Variants in WWOX observed in about 807,000 individuals in gnomAD.
WWOX encodes WW domain-containing oxidoreductase.
In WWOX, 69 loss-of-function variants were observed where a neutral mutation model predicts 46.2. That is an observed-to-expected ratio of 1.49 (90% CI 1.23 to 1.82). The LOEUF (loss-of-function observed/expected upper bound fraction) is 1.82, where lower values mean the gene tolerates loss of function less well. Among genes scored for constraint, WWOX ranks in the 40% most tolerant of loss-of-function variants. WWOX has a pLI of 0.00. For missense variants in WWOX, 919 were observed against 542.6 expected (o/e 1.69, Z -6.89); for synonymous variants, 359 against 202.6 (o/e 1.77, Z -6.56).
intron 5 of WWOX, among the ~76,000 whole-genome samples, chr16:78,366,459 T>G (rs1343025555): frequency 1.3e-5 from 2 of 152,190 alleles, no homozygotes; most frequent in African/African-American, 4.8e-5. Flanking sequence ...CATTCTCCTT[T>G]CTTCTCCTGC....
intron 8 of WWOX, among the ~76,000 whole-genome samples, chr16:79,059,969 G>A (rs2048330069): frequency 6.6e-6 from 1 of 152,204 alleles, no homozygotes; most frequent in African/African-American, 2.4e-5. Context: ...TTTAAAGTTT[G>A]TCCTTGGCAA....
chr16:78,401,067 G>T (rs943816507), intron 6 of WWOX, among the ~76,000 whole-genome samples: 1 of 152,186 alleles, frequency 6.6e-6, no homozygotes, highest in Non-Finnish European at 1.5e-5. Context: ...TGATCCTCCT[G>T]CCCCTGCCTC....
chr16:78,402,803 T>C (rs543409446), intron 6 of WWOX, among the ~76,000 whole-genome samples: 3 of 152,338 alleles, frequency 2.0e-5, no homozygotes, highest in African/African-American at 4.8e-5. Context: ...TCGGAAATAA[T>C]TCTAACCAAT....
intron 1 of WWOX, among the ~76,000 whole-genome samples, chr16:78,103,060 G>A (rs1226200881): frequency 3.3e-5 from 5 of 152,084 alleles, no homozygotes; most frequent in Non-Finnish European, 7.4e-5. Context: ...GGGCCCTGGG[G>A]CTCCCTTGCT....
At chr16:78,688,774 C>G (rs184994261) in intron 8 of WWOX, among the ~76,000 whole-genome samples, 8 of 152,290 alleles carry the variant, frequency 5.3e-5, no homozygotes, top group East Asian at 3.9e-4. Flanking sequence ...CAAATCTCAT[C>G]TTGAGTTGTA....
At chr16:78,928,734 G>T (rs2045557044) in intron 8 of WWOX, among the ~76,000 whole-genome samples, 1 of 152,038 alleles carries the variant, frequency 6.6e-6, no homozygotes, top group Non-Finnish European at 1.5e-5. Flanking sequence ...CACTTTTATG[G>T]ACCTGCATTG....
chr16:78,418,344 G>A (rs1248203687), intron 6 of WWOX, among the ~76,000 whole-genome samples: 3 of 151,456 alleles, frequency 2.0e-5, no homozygotes, highest in African/African-American at 7.3e-5. Flanking sequence ...AGCCTGGGCA[G>A]GAGACAGAGT....
At chr16:79,116,646 T>A (rs1316681451) in intron 8 of WWOX, among the ~76,000 whole-genome samples, 1 of 152,086 alleles carries the variant, frequency 6.6e-6, no homozygotes, top group African/African-American at 2.4e-5. Context: ...CACATATGAG[T>A]CTTGAAGGGG....
intron 8 of WWOX, among the ~76,000 whole-genome samples, chr16:78,911,358 C>A (rs1314614360): frequency 6.6e-6 from 1 of 151,992 alleles, no homozygotes; most frequent in East Asian, 1.9e-4. Flanking sequence ...CTGTACCCTC[C>A]TGCTGTTTTA....
At chr16:78,184,205 G>C (rs2035622656) in intron 5 of WWOX, among the ~76,000 whole-genome samples, 1 of 151,982 alleles carries the variant, frequency 6.6e-6, no homozygotes, top group Non-Finnish European at 1.5e-5. Flanking sequence ...AACTGTCAGG[G>C]TCCCAAATGT....
At chr16:78,665,356 T>G (rs1220607969) in intron 8 of WWOX, among the ~76,000 whole-genome samples, 1 of 152,182 alleles carries the variant, frequency 6.6e-6, no homozygotes, top group Admixed American at 6.5e-5. Flanking sequence ...TAACTGTGAA[T>G]TTGAATATAA....
At chr16:79,097,018 A>G (rs572364499) in intron 8 of WWOX, among the ~76,000 whole-genome samples, 12 of 152,192 alleles carry the variant, frequency 7.9e-5, no homozygotes, top group Middle Eastern at 3.4e-3. Context: ...TTTCTGTGGC[A>G]TAGAAGGCAT....
At chr16:78,598,957 C>T (rs2045557734) in intron 8 of WWOX, among the ~76,000 whole-genome samples, 1 of 152,222 alleles carries the variant, frequency 6.6e-6, no homozygotes, top group African/African-American at 2.4e-5. Context: ...CAGGAAGTTT[C>T]AGTGATGCAC....
chr16:78,946,396 G>A (rs1010597767), intron 8 of WWOX, among the ~76,000 whole-genome samples: 2 of 151,988 alleles, frequency 1.3e-5, no homozygotes, highest in Admixed American at 6.5e-5. Flanking sequence ...TCACCATGTT[G>A]GCCAGGCTGG....
chr16:79,018,852 T>C (rs2047470364), intron 8 of WWOX, among the ~76,000 whole-genome samples: 2 of 152,036 alleles, frequency 1.3e-5, no homozygotes, highest in Admixed American at 1.3e-4. Flanking sequence ...GATAGAAATA[T>C]ACAAATTGAA....
intron 8 of WWOX, among the ~76,000 whole-genome samples, chr16:78,957,297 G>C (rs990496370): frequency 9.2e-5 from 14 of 152,332 alleles, no homozygotes; most frequent in Admixed American, 7.8e-4. Context: ...ATAATTATCT[G>C]AGAAAACTTA....
At chr16:78,919,005 G>C (rs1012440334) in intron 8 of WWOX, among the ~76,000 whole-genome samples, 11 of 152,128 alleles carry the variant, frequency 7.2e-5, no homozygotes, top group Non-Finnish European at 1.5e-5. Flanking sequence ...AAATACAGTC[G>C]TGGTGTCAGG....
chr16:78,691,536 G>T (rs1232802211), intron 8 of WWOX, among the ~76,000 whole-genome samples: 1 of 151,898 alleles, frequency 6.6e-6, no homozygotes, highest in South Asian at 2.1e-4. Flanking sequence ...GTGAGATCCT[G>T]TCTCTACAAA....
At chr16:78,904,930 C>G (rs184539894) in intron 8 of WWOX, among the ~76,000 whole-genome samples, 2 of 152,074 alleles carry the variant, frequency 1.3e-5, no homozygotes, top group African/African-American at 2.4e-5. Flanking sequence ...CAGTTGGTGC[C>G]CCTGTTGGTT....
Sources: gnomAD v4.1 joint callset for allele counts (sites outside exome capture counted in the v4.1 genomes callset) on GRCh38, gnomAD v4.1.1 for gene constraint, MANE v1.5 for transcripts, NCBI Gene and HGNC (gene_info 2026-07-23, HGNC 2026-07-21) for gene names.